STXBP5: variants seen among roughly 807,000 people sequenced by gnomAD.
STXBP5 encodes the protein syntaxin-binding protein 5.
In STXBP5, 50 loss-of-function variants were observed where a neutral mutation model predicts 152.4. The observed-to-expected ratio is 0.33, with a 90% CI of 0.26 to 0.42. STXBP5 has a LOEUF of 0.42. Among genes scored for constraint, STXBP5 ranks in the 10% least tolerant of loss-of-function variants. The pLI, the probability that STXBP5 is intolerant of heterozygous loss-of-function variation, is 1.00. For missense variants in STXBP5, 1,167 were observed against 1,388.6 expected (o/e 0.84, Z 2.54); for synonymous variants, 492 against 494.7 (o/e 0.99, Z 0.07).
At chr6:147,374,256 G>C (rs1299809381) in intron 26 of STXBP5, among the ~76,000 whole-genome samples, 4 of 152,100 alleles carry the variant, frequency 2.6e-5, no homozygotes, top group Admixed American at 2.6e-4. Flanking sequence ...AAACCTTCTG[G>C]TTCATTTAGT....
chr6:147,224,965 C>T (rs1302220538), intron 2 of STXBP5, among the ~76,000 whole-genome samples: 3 of 152,134 alleles, frequency 2.0e-5, no homozygotes, highest in African/African-American at 7.2e-5. Context: ...AAATCATCTA[C>T]TGACTTTTTA....
At chr6:147,381,156 C>T (rs1786067491) in intron 26 of STXBP5, among the ~76,000 whole-genome samples, 2 of 152,112 alleles carry the variant, frequency 1.3e-5, no homozygotes, top group South Asian at 4.1e-4. Flanking sequence ...TTTTCCATGA[C>T]ACTGGAGGAT....
chr6:147,269,419 A>G (rs961687894), intron 7 of STXBP5, among the ~76,000 whole-genome samples: 3 of 152,210 alleles, frequency 2.0e-5, no homozygotes, highest in Admixed American at 1.3e-4. Flanking sequence ...AAAAACATTT[A>G]GAAGAATATG....
intron 3 of STXBP5, among the ~76,000 whole-genome samples, chr6:147,235,855 G>T (rs533489195): frequency 6.6e-6 from 1 of 152,034 alleles, no homozygotes; most frequent in Non-Finnish European, 1.5e-5. Flanking sequence ...GCATTTTATC[G>T]GCATAGGAAA....
chr6:147,268,191 C>T (rs886985912), intron 7 of STXBP5, among the ~76,000 whole-genome samples: 1 of 152,094 alleles, frequency 6.6e-6, no homozygotes, highest in African/African-American at 2.4e-5. Flanking sequence ...CACATTATCC[C>T]AACTTTGGTC....
chr6:147,239,419 T>G (rs1042708941), intron 4 of STXBP5, 149 bp downstream of exon 4: 1 of 616,398 alleles, frequency 1.6e-6, no homozygotes, highest in Non-Finnish European at 2.7e-6. Flanking sequence ...AAAAGCAAGA[T>G]TCCTTCTTTT....
At chr6:147,270,106 A>G (rs977792535) in intron 7 of STXBP5, among the ~76,000 whole-genome samples, 1 of 152,104 alleles carries the variant, frequency 6.6e-6, no homozygotes, top group African/African-American at 2.4e-5. Flanking sequence ...AAAAATAAAA[A>G]TGACAGCAGA....
At chr6:147,376,206 A>G (rs1329514783) in intron 26 of STXBP5, among the ~76,000 whole-genome samples, 2 of 152,260 alleles carry the variant, frequency 1.3e-5, no homozygotes. Flanking sequence ...GTTTAAAAAC[A>G]GTAAGTGGAT....
chr6:147,225,117 G>T (rs577814951), intron 2 of STXBP5, among the ~76,000 whole-genome samples: 2 of 152,254 alleles, frequency 1.3e-5, no homozygotes, highest in South Asian at 4.2e-4. Flanking sequence ...CAGTGTTTCT[G>T]ATGAATTAAA....
chr6:147,237,393 GT>G (rs201284279), intron 3 of STXBP5, among the ~76,000 whole-genome samples: 5,300 of 152,180 alleles, frequency 0.035, 143 homozygotes, highest in Admixed American at 0.054. Context: ...ACTATATACT[GT>G]ATAGGTGAAG....
chr6:147,316,958 A>G (rs1782675705), intron 16 of STXBP5, among the ~76,000 whole-genome samples: 1 of 152,228 alleles, frequency 6.6e-6, no homozygotes, highest in Non-Finnish European at 1.5e-5. Flanking sequence ...AGTGGTTAAA[A>G]TGTTTAAATG....
intron 21 of STXBP5, chr6:147,351,804 T>A (rs1441760562): frequency 4.1e-6 from 4 of 982,686 alleles, no homozygotes; most frequent in South Asian, 4.7e-5. Flanking sequence ...AATGCCTCTT[T>A]CCTAACACTG....
chr6:147,322,133 A>C (rs1002887688), intron 16 of STXBP5, among the ~76,000 whole-genome samples: 7 of 152,170 alleles, frequency 4.6e-5, no homozygotes, highest in Non-Finnish European at 8.8e-5. Context: ...AATATGCCAG[A>C]GGGAGGGAGG....
At chr6:147,239,943 T>C (rs2115206261) in intron 4 of STXBP5, among the ~76,000 whole-genome samples, 1 of 151,532 alleles carries the variant, frequency 6.6e-6, no homozygotes, top group Non-Finnish European at 1.5e-5. Flanking sequence ...TTTGTGGTAC[T>C]CTTTTTTTTT....
chr6:147,353,264 T>G (rs1022285608), intron 21 of STXBP5, 59 bp from the exon 22 acceptor site: 2 of 1,072,458 alleles, frequency 1.9e-6, no homozygotes, highest in African/African-American at 1.6e-5. Context: ...TGAAAATCAG[T>G]TGATATTAGT....
At chr6:147,287,775 A>G (rs1259045097) in intron 8 of STXBP5, among the ~76,000 whole-genome samples, 2 of 152,144 alleles carry the variant, frequency 1.3e-5, no homozygotes, top group African/African-American at 2.4e-5. Flanking sequence ...TTTTGTTTCT[A>G]TGGAATAAAT....
chr6:147,339,409 G>A, intron 21 of STXBP5, 25 bp downstream of exon 21: 1 of 1,465,448 alleles, frequency 6.8e-7, no homozygotes, highest in Non-Finnish European at 9.0e-7. Context: ...TTTCTATTTT[G>A]TTTCTAATCC....
At chr6:147,378,536 A>G (rs1785921941) in intron 26 of STXBP5, among the ~76,000 whole-genome samples, 1 of 152,108 alleles carries the variant, frequency 6.6e-6, no homozygotes, top group South Asian at 2.1e-4. Flanking sequence ...ATTAGGAATC[A>G]CACATAGTGC....
At chr6:147,345,948 A>T (rs1456070456) in intron 21 of STXBP5, among the ~76,000 whole-genome samples, 2 of 152,192 alleles carry the variant, frequency 1.3e-5, no homozygotes, top group East Asian at 1.9e-4. Context: ...ATTCAGGTTT[A>T]TAAGAAGAGA....
Sources: gnomAD v4.1 joint callset for allele counts (sites outside exome capture counted in the v4.1 genomes callset) on GRCh38, gnomAD v4.1.1 for gene constraint, MANE v1.5 for transcripts, NCBI Gene and HGNC (gene_info 2026-07-23, HGNC 2026-07-21) for gene names.